Variants in AGBL3 observed in about 807,000 individuals in gnomAD.
AGBL3 encodes AGBL carboxypeptidase 3, also known as cytosolic carboxypeptidase 3.
Under a neutral mutation model 94.5 loss-of-function variants are expected in AGBL3, and 68 were observed. The observed-to-expected ratio is 0.72, with a 90% confidence interval of 0.59 to 0.88. The LOEUF is 0.88. Ranked by LOEUF, AGBL3 falls within the 40% of genes least tolerant of loss-of-function variation. The pLI is 0.00. For synonymous variants in AGBL3, 354 were observed against 370.7 expected, an observed-to-expected ratio of 0.95 and a Z score of 0.52; for missense variants, 934 against 1,103.8, an observed-to-expected ratio of 0.85 and a Z score of 2.18.
rs1284482120 is a variant in AGBL3, at chr7:135,135,202, C to A, written c.2704C>A (p.Gln902Lys). ...ALHLTKNKDE[Q>K]ANKNDGQPTL... The stretch of plus-strand genomic sequence containing the variant: ...CCATCTAACTAAAAATAAGGATGAG[C>A]AGGCCAATAAGAATGATGGACAACC... The change falls in exon 17 of 17, where the codon CAG (glutamine) becomes AAG (lysine). Residue 902 changes from glutamine (Q) to lysine (K), a missense_variant. By Grantham distance (53) the Gln-to-Lys change is moderately conservative. This residue lies in a region of AGBL3 where 441 missense variants were observed against 518.2 expected (regional missense o/e 0.85). Coordinates refer to ENST00000436302, the MANE Select transcript of AGBL3 (RefSeq NM_178563.4). 5 of 1,546,752 alleles carry A rather than the reference C, an allele frequency of 3.2e-6. No homozygotes were observed.
intron 12 of AGBL3, among the ~76,000 whole-genome samples, chr7:135,073,360 C>T (rs1820132261): frequency 6.6e-6 from 1 of 151,958 alleles, no homozygotes; most frequent in Admixed American, 6.6e-5. Context: ...ATCCCAGCTA[C>T]GTGGGAGGCT....
At chr7:135,096,785 A>AAGAAAGAAAGAAAGAC (rs1822958339) in intron 15 of AGBL3, among the ~76,000 whole-genome samples, 1 of 150,680 alleles carries the variant, frequency 6.6e-6, no homozygotes, top group Non-Finnish European at 1.5e-5. Flanking sequence ...GAAAGAAAGA[A>AAGAAAGAAAGAAAGAC]AGAAAGAAAA....
At chr7:135,119,701 C>T (rs1158748847) in intron 16 of AGBL3, among the ~76,000 whole-genome samples, 2 of 151,984 alleles carry the variant, frequency 1.3e-5, no homozygotes, top group Non-Finnish European at 2.9e-5. Context: ...CACGGTGAAA[C>T]CCCGTCTCTA....
intron 15 of AGBL3, among the ~76,000 whole-genome samples, chr7:135,110,320 G>A (rs1753383835): frequency 6.6e-6 from 1 of 152,180 alleles, no homozygotes; most frequent in Admixed American, 6.5e-5. Context: ...CTTTCCTAGG[G>A]GTATGTACAG....
chr7:135,063,946 T>C (rs893328567), intron 12 of AGBL3, among the ~76,000 whole-genome samples: 1 of 152,168 alleles, frequency 6.6e-6, no homozygotes, highest in Non-Finnish European at 1.5e-5. Flanking sequence ...TAATTGTGGG[T>C]TGGGTTCAGG....
chr7:135,078,562 T>A (rs570297029), intron 13 of AGBL3, among the ~76,000 whole-genome samples: 20 of 152,296 alleles, frequency 1.3e-4, no homozygotes, highest in Admixed American at 1.3e-3. Context: ...CATAAATATA[T>A]CCACAGAGTG....
chr7:134,989,879 T>G (rs1810006035), intron 3 of AGBL3, among the ~76,000 whole-genome samples: 1 of 152,150 alleles, frequency 6.6e-6, no homozygotes, highest in South Asian at 2.1e-4. Flanking sequence ...TCTTCCTGTT[T>G]GAAATAACCA....
chr7:135,004,864 T>A (rs1812189731), intron 4 of AGBL3, among the ~76,000 whole-genome samples: 1 of 151,618 alleles, frequency 6.6e-6, no homozygotes, highest in African/African-American at 2.4e-5. Flanking sequence ...TATTTATTAG[T>A]TCTAGTTTTG....
At chr7:135,041,048 A>G (rs913622568) in intron 8 of AGBL3, among the ~76,000 whole-genome samples, 3 of 152,222 alleles carry the variant, frequency 2.0e-5, no homozygotes, top group Non-Finnish European at 4.4e-5. Flanking sequence ...TTCAAAATAA[A>G]TACTTAGTTA....
intron 4 of AGBL3, among the ~76,000 whole-genome samples, chr7:135,004,399 T>C (rs1376025533): frequency 6.6e-6 from 1 of 151,668 alleles, no homozygotes; most frequent in African/African-American, 2.4e-5. Flanking sequence ...ATTTTCTAGC[T>C]CATGTACATT....
At chr7:134,987,719 C>T (rs1354861905) in intron 1 of AGBL3, among the ~76,000 whole-genome samples, 156 bp from the exon 2 acceptor site, 1 of 152,078 alleles carries the variant, frequency 6.6e-6, no homozygotes, top group Non-Finnish European at 1.5e-5. Context: ...ATTCCTTTAA[C>T]TCTTTGAAAT....
At chr7:135,038,653 TA>T (rs1269077650) in intron 8 of AGBL3, among the ~76,000 whole-genome samples, 1 of 152,194 alleles carries the variant, frequency 6.6e-6, no homozygotes, top group African/African-American at 2.4e-5. Context: ...GGTTTTCTGT[TA>T]AATGTTTCTT....
intron 15 of AGBL3, among the ~76,000 whole-genome samples, chr7:135,107,948 C>T (rs145308291): frequency 7.9e-5 from 12 of 152,068 alleles, no homozygotes; most frequent in African/African-American, 2.2e-4. Context: ...TGAATTGAGC[C>T]CTGATTACCA....
chr7:135,032,834 C>G lies in AGBL3; in HGVS notation c.419-10C>G. 6.5e-7 allele frequency: 1 copy of G among 1,539,400 alleles called. No individual in the cohort carries two copies. The highest frequency in any genetic ancestry group is 8.8e-7 in the Non-Finnish European group (1 of 1,142,380). On this transcript the variant is annotated splice_polypyrimidine_tract_variant and intron_variant, in intron 5 of 16. Transcript: ENST00000436302. Reference sequence around the variant, plus strand: ...ACCTTGACATCTTTATGATCTTCTTCTCTCATCAGCTTACAAAGAGCCCTG... The same window carrying G: ...ACCTTGACATCTTTATGATCTTCTTGTCTCATCAGCTTACAAAGAGCCCTG...
chr7:135,105,069 A>C (rs1272271713), intron 15 of AGBL3, among the ~76,000 whole-genome samples: 1 of 67,604 alleles, frequency 1.5e-5, no homozygotes, highest in Non-Finnish European at 2.9e-5. Context: ...TTTACATTCA[A>C]GTTTTTTTTT....
chr7:135,127,550 TA>T (rs34308951), intron 16 of AGBL3, among the ~76,000 whole-genome samples: 65,202 of 146,072 alleles, frequency 0.45, 14,498 homozygotes, highest in South Asian at 0.58. Flanking sequence ...AGTCTCCGTC[TA>T]AAAAAAAAAA....
chr7:135,104,389 T>C (rs889555350), intron 15 of AGBL3, among the ~76,000 whole-genome samples: 4 of 152,222 alleles, frequency 2.6e-5, no homozygotes, highest in Non-Finnish European at 4.4e-5. Context: ...GCAGTGAACA[T>C]ACATATGCAT....
chr7:135,020,164 C>T (rs1380160694), intron 5 of AGBL3, among the ~76,000 whole-genome samples: 6 of 152,106 alleles, frequency 3.9e-5, no homozygotes, highest in Admixed American at 6.5e-5. Flanking sequence ...ATCTACTCAT[C>T]GGACAAACAG....
rs541384795 is a variant in AGBL3 at position 135,063,574 on chromosome 7, T to G, written c.1908+4339T>G. Among the ~76,000 whole-genome samples the G allele has an allele frequency of 9.2e-5, 14 of 152,338 alleles. 1 individual carries two copies. The East Asian group carries it at 2.7e-3, about 29-fold the overall frequency. On this transcript the variant is annotated intron_variant, in intron 12 of 16. Coordinates refer to ENST00000436302, the MANE Select transcript of AGBL3 (RefSeq NM_178563.4). ...CTGATAAGTTTTGATATGTTGTATT[T>G]CCATTTTTGTTTGTCTCAAGATATT...
Sources: gnomAD v4.1 joint callset for allele counts (sites outside exome capture counted in the v4.1 genomes callset) on GRCh38, gnomAD v4.1.1 for gene constraint, gnomAD v4.1.1 regional missense constraint, MANE v1.5 for transcripts, NCBI Gene and HGNC (gene_info 2026-07-23, HGNC 2026-07-21) for gene names.